DGKB: variants seen among roughly 807,000 people sequenced by gnomAD.
DGKB encodes diacylglycerol kinase beta, also known as 90 kDa diacylglycerol kinase.
In DGKB, 67 loss-of-function variants were observed where a neutral mutation model predicts 114.3. The ratio of observed to expected loss-of-function variants is 0.59; its 90% CI spans 0.48 to 0.72. DGKB has a LOEUF of 0.72. Among genes scored for constraint, DGKB ranks in the 30% least tolerant of loss-of-function variants. DGKB has a pLI of 0.00. For missense variants in DGKB, 907 were observed against 975.2 expected (o/e 0.93, Z 0.93); for synonymous variants, 398 against 323.1 (o/e 1.23, Z -2.49).
intron 20 of DGKB, among the ~76,000 whole-genome samples, chr7:14,509,055 A>G (rs1330996647): frequency 1.3e-5 from 2 of 152,126 alleles, no homozygotes; most frequent in South Asian, 4.1e-4. Flanking sequence ...AAATTCCAGC[A>G]TTTAGTACAC....
chr7:14,799,513 C>A (rs1586592473), intron 2 of DGKB, among the ~76,000 whole-genome samples: 1 of 152,284 alleles, frequency 6.6e-6, no homozygotes, highest in African/African-American at 2.4e-5. Context: ...AATTCAAGAT[C>A]ATTCTGTCTC....
At chr7:14,766,875 T>C (rs1460003507) in intron 2 of DGKB, among the ~76,000 whole-genome samples, 2 of 151,722 alleles carry the variant, frequency 1.3e-5, no homozygotes, top group Non-Finnish European at 2.9e-5. Flanking sequence ...CAAAGTGTCA[T>C]GTAATATCAA....
chr7:14,829,380 C>G (rs575266170), intron 2 of DGKB, among the ~76,000 whole-genome samples: 19 of 152,240 alleles, frequency 1.2e-4, no homozygotes, highest in African/African-American at 4.3e-4. Context: ...TCTCAGCCTA[C>G]AGGCTGTCGG....
intron 21 of DGKB, among the ~76,000 whole-genome samples, chr7:14,395,260 C>T (rs1822040774): frequency 3.3e-5 from 5 of 151,962 alleles, no homozygotes; most frequent in Admixed American, 3.3e-4. Flanking sequence ...GTAATGAATA[C>T]AATGATGAAA....
At chr7:14,763,899 G>A (rs575786975) in intron 2 of DGKB, among the ~76,000 whole-genome samples, 2 of 151,994 alleles carry the variant, frequency 1.3e-5, no homozygotes, top group African/African-American at 4.8e-5. Context: ...TGTTTCCCAC[G>A]TTCAGTAGAG....
At chr7:14,169,933 A>G (rs1025092449) in intron 25 of DGKB, among the ~76,000 whole-genome samples, 13 of 151,806 alleles carry the variant, frequency 8.6e-5, no homozygotes, top group Non-Finnish European at 1.6e-4. Flanking sequence ...TTGGGAGTTC[A>G]AGACCAGCCT....
chr7:14,371,829 A>G (rs1165913418), intron 21 of DGKB, among the ~76,000 whole-genome samples: 1 of 152,048 alleles, frequency 6.6e-6, no homozygotes, highest in Non-Finnish European at 1.5e-5. Context: ...AATGAGGGAG[A>G]GCACAATTCC....
chr7:14,574,779 T>C lies in DGKB; in HGVS notation c.1610-407A>G, dbSNP rs562324032. Among the ~76,000 whole-genome samples the C allele has an allele frequency of 3.3e-5, 5 of 152,310 alleles. No homozygotes were observed. In the South Asian group the frequency reaches 1.0e-3, roughly 32 times the overall value. ...AAAGTCAGAAACGTGGATGACATTTTAGACTTTTCCCTTTCCATCACTCTC... is the reference window on the plus strand; with the variant it reads ...AAAGTCAGAAACGTGGATGACATTTCAGACTTTTCCCTTTCCATCACTCTC... On this transcript the variant is annotated intron_variant, in intron 19 of 25. Coordinates refer to ENST00000402815, the MANE Select transcript of DGKB (RefSeq NM_001350709.2).
chr7:14,829,051 C>T (rs1846074495), intron 2 of DGKB, among the ~76,000 whole-genome samples: 1 of 152,036 alleles, frequency 6.6e-6, no homozygotes, highest in African/African-American at 2.4e-5. Flanking sequence ...GATCATAAAT[C>T]AACTCAGATG....
At chr7:14,454,099 AT>A (rs1426352452) in intron 21 of DGKB, among the ~76,000 whole-genome samples, 3 of 152,120 alleles carry the variant, frequency 2.0e-5, no homozygotes, top group Non-Finnish European at 4.4e-5. Flanking sequence ...AGTCAGCCTA[AT>A]TGGAATATCC....
chr7:14,278,032 T>A (rs549827464), intron 23 of DGKB, among the ~76,000 whole-genome samples: 1 of 152,372 alleles, frequency 6.6e-6, no homozygotes, highest in South Asian at 2.1e-4. Flanking sequence ...ATGCTGAGAA[T>A]GTTCTTTGTG....
chr7:14,898,033 C>G (rs958031508), intron 1 of DGKB, among the ~76,000 whole-genome samples: 4 of 152,002 alleles, frequency 2.6e-5, no homozygotes, highest in Non-Finnish European at 5.9e-5. Context: ...TTTCAATTCT[C>G]TGTGGCATAT....
rs1189560082 is a variant in DGKB, at chr7:14,893,113, T to G, written c.-188+9479A>C. Reference sequence around the variant, plus strand: ...TTCTCCAGAAACAGCTCTACCTTTCTTTAAACCTTCATAGATTAACTCTTT... The same window carrying G: ...TTCTCCAGAAACAGCTCTACCTTTCGTTAAACCTTCATAGATTAACTCTTT... On this transcript the variant is annotated intron_variant, in intron 1 of 25. Coordinates refer to ENST00000402815, the MANE Select transcript of DGKB (RefSeq NM_001350709.2). 4.0e-5 allele frequency among the ~76,000 whole-genome samples: 6 copies of G among 151,334 alleles called. No homozygotes were observed. In the South Asian group the frequency reaches 1.2e-3, roughly 31 times the overall value.
chr7:14,579,335 T>C lies in DGKB; in HGVS notation c.1609+1527A>G, dbSNP rs561385401. Reference sequence around the variant, plus strand: ...ATGCTACAGTCCTTGCCTTTGTCCATTGTTAGTGCTTTGTATGTGGTTTCA... The same window carrying C: ...ATGCTACAGTCCTTGCCTTTGTCCACTGTTAGTGCTTTGTATGTGGTTTCA... On this transcript the variant is annotated intron_variant, in intron 19 of 25. Transcript: ENST00000402815. Among the ~76,000 whole-genome samples the C allele has an allele frequency of 7.2e-5, 11 of 152,282 alleles. No homozygotes were observed. In the South Asian group the frequency reaches 1.7e-3, roughly 23 times the overall value.
intron 22 of DGKB, among the ~76,000 whole-genome samples, chr7:14,343,198 C>CACACACACACACAA (rs1320061315): frequency 6.7e-6 from 1 of 149,066 alleles, no homozygotes; most frequent in Non-Finnish European, 1.5e-5. Context: ...CACACACACA[C>CACACACACACACAA]AACAAGATAT....
intron 2 of DGKB, among the ~76,000 whole-genome samples, chr7:14,774,637 A>C (rs967800013): frequency 1.3e-5 from 2 of 152,192 alleles, no homozygotes; most frequent in African/African-American, 2.4e-5. Flanking sequence ...CAACCTTAGA[A>C]TATATATAGT....
chr7:14,691,924 T>TA (rs1445245892), intron 9 of DGKB, among the ~76,000 whole-genome samples: 4 of 151,932 alleles, frequency 2.6e-5, no homozygotes, highest in African/African-American at 4.8e-5. Context: ...ACTAAAAACA[T>TA]AAAAAATAAG....
chr7:14,851,866 C>G (rs372863392), intron 1 of DGKB, among the ~76,000 whole-genome samples: 1 of 152,120 alleles, frequency 6.6e-6, no homozygotes, highest in Non-Finnish European at 1.5e-5. Context: ...GCTTCCACCC[C>G]CAAACATGAG....
At chr7:14,344,964 A>G (rs1252726979) in intron 22 of DGKB, among the ~76,000 whole-genome samples, 4 of 151,642 alleles carry the variant, frequency 2.6e-5, no homozygotes, top group Non-Finnish European at 4.4e-5. Context: ...CGAAAATAAT[A>G]TTTTTTATGT....
Sources: allele counts gnomAD v4.1 joint callset (sites outside exome capture counted in the v4.1 genomes callset), GRCh38; gene constraint gnomAD v4.1.1; transcripts MANE v1.5; gene names NCBI Gene and HGNC (gene_info 2026-07-23, HGNC 2026-07-21).